The following SESN1 variants were observed in gnomAD, a reference collection of about 807,000 sequenced individuals.
SESN1 encodes sestrin 1.
In SESN1, 30 loss-of-function variants were observed where a neutral mutation model predicts 59.3. The observed-to-expected ratio is 0.51, with a 90% CI of 0.38 to 0.69. The LOEUF (loss-of-function observed/expected upper bound fraction) is 0.69, where lower values mean the gene tolerates loss of function less well. SESN1 is among the 30% of genes least tolerant of loss of function. The pLI is 0.00. For synonymous variants in SESN1, 197 were observed against 219.9 expected (o/e 0.90, Z 0.92); for missense variants, 566 against 673.0 (o/e 0.84, Z 1.76).
intron 1 of SESN1, chr6:109,008,656 G>T: frequency 2.5e-6 from 1 of 397,368 alleles, no homozygotes; most frequent in Non-Finnish European, 3.4e-6. Flanking sequence ...CAAATTTAAG[G>T]TTCGAGTTTT....
chr6:109,055,270 T>A (rs1780610222), intron 1 of SESN1, among the ~76,000 whole-genome samples: 1 of 152,208 alleles, frequency 6.6e-6, no homozygotes, highest in Admixed American at 6.5e-5. Flanking sequence ...CCAATCCTTC[T>A]TGGGTCCCTA....
In SESN1 at chr6:109,019,392, CTTATT is replaced by C. The variant is rs1256938587; in HGVS notation, c.280-17054_280-17050del. Among the ~76,000 whole-genome samples the C allele has an allele frequency of 3.3e-5, 5 of 152,306 alleles. No individual in the cohort carries two copies. In the East Asian group the frequency reaches 9.6e-4, roughly 29 times the overall value. On this transcript the variant is annotated intron_variant, in intron 1 of 9. Coordinates refer to ENST00000436639, the MANE Select transcript of SESN1 (RefSeq NM_014454.3). ...GTGCTGGGGGAATCTAGTTCAAAGT[CTTATT>C]CTCATTAATGCCAAATAGAGCCTTA...
At chr6:109,081,916 T>G (rs772170720) in intron 1 of SESN1, among the ~76,000 whole-genome samples, 4 of 152,236 alleles carry the variant, frequency 2.6e-5, no homozygotes, top group Non-Finnish European at 5.9e-5. Context: ...GCAGCTCTAA[T>G]GTCCTCATTA....
intron 1 of SESN1, among the ~76,000 whole-genome samples, chr6:109,006,282 G>A (rs568085915): frequency 1.3e-5 from 2 of 152,232 alleles, no homozygotes; most frequent in South Asian, 4.1e-4. Flanking sequence ...CATAACTGAT[G>A]AAAGCCCTGA....
chr6:109,016,378 C>G (rs776370570), intron 1 of SESN1, among the ~76,000 whole-genome samples: 1 of 152,006 alleles, frequency 6.6e-6, no homozygotes, highest in Non-Finnish European at 1.5e-5. Flanking sequence ...TTCAAAGAAC[C>G]CCTACTCAGT....
intron 1 of SESN1, among the ~76,000 whole-genome samples, chr6:109,063,528 C>T (rs2114457164): frequency 6.6e-6 from 1 of 152,272 alleles, no homozygotes; most frequent in South Asian, 2.1e-4. Flanking sequence ...ACTGTCTGCT[C>T]ATCCCAACTG....
chr6:109,067,630 C>T (rs1334275075), intron 1 of SESN1, among the ~76,000 whole-genome samples: 1 of 152,172 alleles, frequency 6.6e-6, no homozygotes, highest in Non-Finnish European at 1.5e-5. Context: ...ATCCTATACA[C>T]ACTTCCTCAG....
chr6:108,987,922 C>T (rs1471338357), intron 9 of SESN1, among the ~76,000 whole-genome samples: 2 of 151,736 alleles, frequency 1.3e-5, no homozygotes, highest in African/African-American at 4.8e-5. Flanking sequence ...CATGCCTCAG[C>T]TTCCCATGTA....
chr6:109,053,022 T>G lies in SESN1; in HGVS notation c.279+40773A>C, dbSNP rs149588507. On this transcript the variant is annotated intron_variant, in intron 1 of 9. Transcript: ENST00000436639. ...TATGGTCATATACGTCACTATTCAA[T>G]AAAAGGAGCTGTTCAAGACTAGGAT... is the stretch of plus-strand genomic sequence containing the variant. 6.6e-5 allele frequency among the ~76,000 whole-genome samples: 10 copies of G among 152,098 alleles called. No homozygotes were observed. The East Asian group carries it at 1.9e-3, about 29-fold the overall frequency.
intron 1 of SESN1, among the ~76,000 whole-genome samples, chr6:109,020,190 C>CT (rs1019979503): frequency 5.3e-5 from 8 of 151,870 alleles, no homozygotes; most frequent in Non-Finnish European, 4.4e-5. Flanking sequence ...TTCTTTTTTT[C>CT]TTTTTTTTAT....
At chr6:108,989,968 T>C (rs1779331249) in intron 8 of SESN1, among the ~76,000 whole-genome samples, 1 of 152,214 alleles carries the variant, frequency 6.6e-6, no homozygotes, top group African/African-American at 2.4e-5. Context: ...TTAAAGTTGG[T>C]CAGCTGTACT....
Position 109,001,462 on chromosome 6 carries a change from T to G in SESN1, c.372A>C (p.Ala124=), listed in dbSNP as rs1473309290. ...AATCTGCAAATAAAGCATGCATCTG[T>G]GCGTCTTCACTCCCCACTTGGAGGA... ...KEILQVGSED[A]QMHALFADSF... Residue 124 remains alanine (A), a synonymous_variant, in exon 3 of 10, where the codon GCA becomes GCC. Transcript: ENST00000436639. 2 of 1,613,596 alleles carry G rather than the reference T, an allele frequency of 1.2e-6. No individual in the cohort carries two copies. The highest frequency in any genetic ancestry group is 4.5e-5 in the East Asian group (2 of 44,868).
At chr6:109,000,178 G>A (rs1028529895) in intron 4 of SESN1, 1 of 179,640 alleles carries the variant, frequency 5.6e-6, no homozygotes, top group Non-Finnish European at 1.2e-5. Context: ...GGAACCCAGG[G>A]CATTTTTAGG....
intron 1 of SESN1, among the ~76,000 whole-genome samples, chr6:109,012,088 T>C (rs1406931604): frequency 6.6e-6 from 1 of 152,200 alleles, no homozygotes; most frequent in Non-Finnish European, 1.5e-5. Flanking sequence ...GCTGAGCACA[T>C]ACAGGCATGC....
chr6:109,077,415 A>C (rs1008209676), intron 1 of SESN1, among the ~76,000 whole-genome samples: 5 of 152,170 alleles, frequency 3.3e-5, no homozygotes, highest in African/African-American at 1.2e-4. Flanking sequence ...CATCTATAAA[A>C]ACTAAAACTC....
intron 5 of SESN1, among the ~76,000 whole-genome samples, chr6:108,996,506 TCTC>T (rs1224395100): frequency 2.0e-5 from 3 of 152,194 alleles, no homozygotes; most frequent in Non-Finnish European, 4.4e-5. Context: ...GTTTACCTAT[TCTC>T]CTCTTAAAGA....
chr6:109,033,091 G>A (rs1228874089), intron 1 of SESN1, among the ~76,000 whole-genome samples: 3 of 151,774 alleles, frequency 2.0e-5, no homozygotes, highest in Non-Finnish European at 4.4e-5. Context: ...AAAAGTCAAG[G>A]GATTATTAAA....
At chr6:109,085,386 G>A (rs1277379154) in intron 1 of SESN1, among the ~76,000 whole-genome samples, 1 of 152,106 alleles carries the variant, frequency 6.6e-6, no homozygotes, top group Non-Finnish European at 1.5e-5. Flanking sequence ...GGGTCTGGTG[G>A]CGGGCACCTG....
At chr6:109,023,130 T>C (rs541851661) in intron 1 of SESN1, among the ~76,000 whole-genome samples, 1 of 152,326 alleles carries the variant, frequency 6.6e-6, no homozygotes, top group East Asian at 1.9e-4. Flanking sequence ...ATAAAAATGT[T>C]CTATAACATC....
Sources: gnomAD v4.1 joint callset for allele counts (sites outside exome capture counted in the v4.1 genomes callset) on GRCh38, gnomAD v4.1.1 for gene constraint, MANE v1.5 for transcripts, NCBI Gene and HGNC (gene_info 2026-07-23, HGNC 2026-07-21) for gene names.